The following CENPT variants were observed in gnomAD, a reference collection of about 807,000 sequenced individuals.
CENPT encodes the protein centromere protein T.
Under a neutral mutation model 59.7 loss-of-function variants are expected in CENPT, and 42 were observed. The observed-to-expected ratio is 0.70, with a 90% CI of 0.55 to 0.91. The LOEUF (loss-of-function observed/expected upper bound fraction) is 0.91. Among genes scored for constraint, CENPT ranks in the 40% least tolerant of loss-of-function variants. CENPT has a pLI of 0.00. For missense variants in CENPT, 716 were observed against 713.4 expected (o/e 1.00, Z -0.04); for synonymous variants, 295 against 289.6 (o/e 1.02, Z -0.19).
chr16:67,830,645 C>A (rs935980716), intron 10 of CENPT, 97 bp from the exon 11 acceptor site: 2 of 1,323,398 alleles, frequency 1.5e-6, no homozygotes, highest in South Asian at 2.5e-5. Flanking sequence ...TGCTACTCAG[C>A]GTTGCCAGGG....
At chr16:67,841,010 C>CATACATATATATATATATATATATAT (rs1256263734) in intron 1 of CENPT, among the ~76,000 whole-genome samples, 1 of 109,402 alleles carries the variant, frequency 9.1e-6, no homozygotes, top group African/African-American at 3.5e-5. Context: ...ATACAAAATA[C>CATACATATATATATATATATATATAT]ATATATATAT....
In CENPT at chr16:67,829,979, C is replaced by G. The variant is rs375129175; in HGVS notation, c.972G>C (p.Glu324Asp). The G allele has an allele frequency of 9.3e-6, 15 of 1,614,242 alleles. No individual in the cohort carries two copies. The highest frequency in any genetic ancestry group is 1.3e-5 in the Non-Finnish European group (15 of 1,180,052). Reference protein sequence around the residue: ...SSGVSGEDEVEPLHDGVEEAE... With the variant: ...SSGVSGEDEVDPLHDGVEEAE... ...CCTCTTCAACTCCATCGTGTAAGGG[C>G]TCTACTTCATCTTCTCCAGAGACAC... Residue 324 changes from glutamate to aspartate, a missense_variant, in exon 12 of 16, where the codon GAG (glutamate) becomes GAC (aspartate). Transcript: ENST00000562787.
Position 67,832,125 on chromosome 16 carries a change from G to A in CENPT, c.290-17C>T, listed in dbSNP as rs752967024. 6.2e-7 allele frequency: 1 copy of A among 1,610,494 alleles called. No individual in the cohort carries two copies. The highest frequency in any genetic ancestry group is 1.1e-5 in the South Asian group (1 of 90,870). Reference sequence around the variant, plus strand: ...ATTCTGGGGCTGCAGAAACACCAAGGAGAGGGTGGGGCTGACAGAACAGGC... The same window carrying A: ...ATTCTGGGGCTGCAGAAACACCAAGAAGAGGGTGGGGCTGACAGAACAGGC... On this transcript the variant is annotated splice_polypyrimidine_tract_variant and intron_variant, in intron 6 of 15. Coordinates refer to ENST00000562787, the MANE Select transcript of CENPT (RefSeq NM_025082.4).
chr16:67,843,347 C>T lies in CENPT; in HGVS notation c.-492+4054G>A. 6.2e-7 allele frequency: 1 copy of T among 1,613,890 alleles called. No homozygotes were observed. The highest frequency in any genetic ancestry group is 8.5e-7 in the Non-Finnish European group (1 of 1,180,042). ...GCTCCTGCGCAAGCTGAATGAGCAG[C>T]GGGACATCCTGGCTCTGATGGAAGT... On this transcript the variant is annotated intron_variant, in intron 1 of 15. Coordinates refer to ENST00000562787, the MANE Select transcript of CENPT (RefSeq NM_025082.4). This position sits in a 1 kb window ranked among gnomAD's most constrained non-coding sequence, Gnocchi z 5.7.
intron 1 of CENPT, among the ~76,000 whole-genome samples, chr16:67,838,205 A>G (rs1402489368): frequency 6.6e-6 from 1 of 152,244 alleles, no homozygotes; most frequent in African/African-American, 2.4e-5. Flanking sequence ...TATTCTGTGC[A>G]TAAAGAAATT....
chr16:67,830,856 C>A (rs1045465636), intron 10 of CENPT: 5 of 518,348 alleles, frequency 9.6e-6, no homozygotes, highest in African/African-American at 9.5e-5. Context: ...TCCGTCTTCC[C>A]AAACCCTCTT....
At position 67,842,384 on chromosome 16, in the gene CENPT, G is replaced by A. The variant is rs1247126193; in HGVS notation, c.-492+5017C>T. 1 of 307,434 alleles carries A rather than the reference G, an allele frequency of 3.3e-6. No individual in the cohort carries two copies. Among genetic ancestry groups the A allele is most frequent in the Non-Finnish European group, 5.3e-6 (1 of 189,496 alleles). 19.0% of individuals were successfully genotyped at this position (307,434 alleles called of 1,614,324 possible). ...GGCGCGGCGCGGGCCGGCAGGAAGC[G>A]TATTCTGGGCACGGGGCGCCGGGCG... On this transcript the variant is annotated intron_variant, in intron 1 of 15. Coordinates refer to ENST00000562787, the MANE Select transcript of CENPT (RefSeq NM_025082.4). The surrounding 1 kb of genome is among the most constrained non-coding windows in gnomAD (Gnocchi z 4.9).
chr16:67,829,728 A>C, intron 12 of CENPT, 37 bp downstream of exon 12: 1 of 1,595,812 alleles, frequency 6.3e-7, no homozygotes, highest in African/African-American at 1.3e-5. Context: ...GCCTGAACAC[A>C]GCTGTCACCA....
At chr16:67,845,452 C>T (rs912027912) in intron 1 of CENPT, among the ~76,000 whole-genome samples, 1 of 152,152 alleles carries the variant, frequency 6.6e-6, no homozygotes, top group African/African-American at 2.4e-5. Flanking sequence ...GGACCTCTGT[C>T]TTCCTAGGGT....
intron 4 of CENPT, among the ~76,000 whole-genome samples, chr16:67,833,358 CTGGT>C (rs2057711466): frequency 6.6e-6 from 1 of 152,234 alleles, no homozygotes; most frequent in Admixed American, 6.5e-5. Context: ...CACACCCTGG[CTGGT>C]CTGGGGAAAG....
intron 1 of CENPT, among the ~76,000 whole-genome samples, chr16:67,836,448 T>C (rs1239461576): frequency 2.0e-5 from 3 of 149,080 alleles, no homozygotes; most frequent in Non-Finnish European, 3.0e-5. Context: ...TCTTTTTTTT[T>C]TTTTTTGAGA....
In CENPT at chr16:67,843,544, C is replaced by A; in HGVS notation, c.-492+3857G>T. The A allele has an allele frequency of 6.4e-7, 1 of 1,561,196 alleles. No homozygotes were observed. The highest frequency in any genetic ancestry group is 1.8e-5 in the Admixed American group (1 of 55,184). ...GCTGGACTCCCAGACCCCATCCAGC[C>A]AGGGGACCGCAGGCCATTGTTGAAC... On this transcript the variant is annotated intron_variant, in intron 1 of 15. Coordinates refer to ENST00000562787, the MANE Select transcript of CENPT (RefSeq NM_025082.4). The surrounding 1 kb of genome is among the most constrained non-coding windows in gnomAD (Gnocchi z 5.7).
intron 1 of CENPT, among the ~76,000 whole-genome samples, chr16:67,837,112 C>A (rs2057738458): frequency 6.6e-6 from 1 of 151,036 alleles, no homozygotes; most frequent in Admixed American, 6.6e-5. Context: ...CTCAGGTGAT[C>A]TTCCGCCTCG....
rs2057781056 is a variant in CENPT at position 67,843,850 on chromosome 16, C to T, written c.-492+3551G>A. On this transcript the variant is annotated intron_variant, in intron 1 of 15. Transcript: ENST00000562787. The surrounding 1 kb of genome is among the most constrained non-coding windows in gnomAD (Gnocchi z 5.7). ...GGACTATAGGTTTGGGAAAACCATACCTTAAGGTTGGTCAGCAGTCAGACA... is the reference window on the plus strand; with the variant it reads ...GGACTATAGGTTTGGGAAAACCATATCTTAAGGTTGGTCAGCAGTCAGACA... 4.2e-6 allele frequency: 1 copy of T among 239,626 alleles called. No individual in the cohort carries two copies. The highest frequency in any genetic ancestry group is 8.9e-6 in the Non-Finnish European group (1 of 112,924). The allele number at this position is 239,626 out of a possible 1,614,324, so 14.8% of individuals were successfully genotyped here.
At chr16:67,837,627 G>C (rs147592959) in intron 1 of CENPT, among the ~76,000 whole-genome samples, 1 of 152,270 alleles carries the variant, frequency 6.6e-6, no homozygotes, top group African/African-American at 2.4e-5. Flanking sequence ...AGAATCGCTT[G>C]AACTTGGAGG....
intron 1 of CENPT, among the ~76,000 whole-genome samples, chr16:67,840,561 G>A (rs748851563): frequency 3.5e-4 from 51 of 145,986 alleles, no homozygotes; most frequent in Admixed American, 5.6e-4. Flanking sequence ...ACACAAAGAA[G>A]ACAACAACAG....
rs2057768048 is a variant in CENPT at position 67,842,415 on chromosome 16, GC to G, written c.-492+4985del. On this transcript the variant is annotated intron_variant, in intron 1 of 15. Coordinates refer to ENST00000562787, the MANE Select transcript of CENPT (RefSeq NM_025082.4). The surrounding 1 kb of genome is among the most constrained non-coding windows in gnomAD (Gnocchi z 4.9). ...TGGGCACGGGGCGCCGGGCGGGCCG[GC>G]TGCGCCGAGCGGCAGTGGTGGGATA... 2.0e-6 allele frequency: 1 copy of G among 505,550 alleles called. No homozygotes were observed. The highest frequency in any genetic ancestry group is 9.7e-5 in the South Asian group (1 of 10,306). 31.3% of individuals were successfully genotyped at this position (505,550 alleles called of 1,614,324 possible).
Position 67,842,431 on chromosome 16 carries a change from G to C in CENPT, c.-492+4970C>G. ...GGCGGGCCGGCTGCGCCGAGCGGCAGTGGTGGGATACCACCCAAGGCCTCG... is the reference window on the plus strand; with the variant it reads ...GGCGGGCCGGCTGCGCCGAGCGGCACTGGTGGGATACCACCCAAGGCCTCG... On this transcript the variant is annotated intron_variant, in intron 1 of 15. Transcript: ENST00000562787. This position sits in a 1 kb window ranked among gnomAD's most constrained non-coding sequence, Gnocchi z 4.9. 3.1e-6 allele frequency: 2 copies of C among 644,218 alleles called. No homozygotes were observed. The highest frequency in any genetic ancestry group is 4.3e-6 in the Non-Finnish European group (2 of 468,130). 39.9% of individuals were successfully genotyped at this position (644,218 alleles called of 1,614,324 possible).
rs113675768 is a variant in CENPT, at chr16:67,831,413, C to A, written c.561-55G>T. 1.8e-3 allele frequency: 2,925 copies of A among 1,593,422 alleles called. 48 individuals carry two copies. In the African/African-American group the frequency reaches 0.034, roughly 18 times the overall value. On this transcript the variant is annotated intron_variant, in intron 9 of 15. Coordinates refer to ENST00000562787, the MANE Select transcript of CENPT (RefSeq NM_025082.4). Reference sequence around the variant, plus strand: ...TCAGGTACCTGAGACCCAGTTTGCCCACAGATCCCTCCATCTGCCCTGGGG... The same window carrying A: ...TCAGGTACCTGAGACCCAGTTTGCCAACAGATCCCTCCATCTGCCCTGGGG...
Sources: allele counts gnomAD v4.1 joint callset (sites outside exome capture counted in the v4.1 genomes callset), GRCh38; gene constraint gnomAD v4.1.1; non-coding constraint Gnocchi (gnomAD v3.1); transcripts MANE v1.5; gene names NCBI Gene and HGNC (gene_info 2026-07-23, HGNC 2026-07-21).